The following THADA variants were observed in gnomAD, a reference collection of about 807,000 sequenced individuals.
The protein encoded by THADA is THADA armadillo repeat containing.
In THADA, 213 loss-of-function variants were observed where a neutral mutation model predicts 219.8. The observed-to-expected ratio is 0.97, with a 90% CI of 0.87 to 1.09. The LOEUF (loss-of-function observed/expected upper bound fraction) is 1.09, where lower values mean the gene tolerates loss of function less well. THADA is among the 50% of genes least tolerant of loss of function. The pLI, the probability that THADA is intolerant of heterozygous loss-of-function variation, is 0.00. For missense variants in THADA, 2,956 were observed against 2,311.3 expected, an observed-to-expected ratio of 1.28 and a Z score of -5.72; for synonymous variants, 1,018 against 828.9, an observed-to-expected ratio of 1.23 and a Z score of -3.92.
chr2:43,320,026 T>C (rs1225995512), intron 31 of THADA, among the ~76,000 whole-genome samples: 4 of 152,140 alleles, frequency 2.6e-5, no homozygotes, highest in South Asian at 2.1e-4. Flanking sequence ...CATAAGTGCA[T>C]TGGTGTAGGG....
intron 36 of THADA, among the ~76,000 whole-genome samples, chr2:43,261,010 G>T (rs534616783): frequency 1.4e-5 from 2 of 144,906 alleles, no homozygotes; most frequent in African/African-American, 5.5e-5. Flanking sequence ...ATTTTGTAGA[G>T]TGTTTTTTTT....
At chr2:43,447,474 C>A (rs1681725130) in intron 26 of THADA, among the ~76,000 whole-genome samples, 2 of 152,208 alleles carry the variant, frequency 1.3e-5, no homozygotes, top group African/African-American at 4.8e-5. Context: ...CTACAAAGAT[C>A]CCCTTTCCCT....
chr2:43,365,952 G>T (rs1241646887), intron 29 of THADA, among the ~76,000 whole-genome samples: 2 of 152,122 alleles, frequency 1.3e-5, no homozygotes, highest in Admixed American at 6.5e-5. Context: ...TTTATTTGAG[G>T]CAATAACATA....
Position 43,493,124 on chromosome 2 carries a change from C to A in THADA, c.3744+5709G>T, listed in dbSNP as rs562967521. Among the ~76,000 whole-genome samples, 3 of 152,282 alleles carry A rather than the reference C, an allele frequency of 2.0e-5. No individual in the cohort carries two copies. In the East Asian group the frequency reaches 5.8e-4, roughly 29 times the overall value. On this transcript the variant is annotated intron_variant, in intron 25 of 37. Coordinates refer to ENST00000405975, the MANE Select transcript of THADA (RefSeq NM_022065.5). ...CACTACTGGGCAGATCTAACAGGAT[C>A]TTTTTCCTACCCTCCTTTGAAACCC...
intron 28 of THADA, among the ~76,000 whole-genome samples, chr2:43,427,146 C>G (rs112592563): frequency 3.3e-5 from 5 of 152,290 alleles, no homozygotes; most frequent in African/African-American, 1.2e-4. Flanking sequence ...TGCCACATGG[C>G]ATTACCATTT....
intron 35 of THADA, among the ~76,000 whole-genome samples, chr2:43,284,730 G>A (rs1214525795): frequency 1.3e-5 from 2 of 152,136 alleles, no homozygotes; most frequent in African/African-American, 2.4e-5. Flanking sequence ...TAGGTCCACC[G>A]ACAGCTTGCA....
chr2:43,440,479 G>A (rs1307379582), intron 26 of THADA, among the ~76,000 whole-genome samples: 1 of 152,060 alleles, frequency 6.6e-6, no homozygotes, highest in Non-Finnish European at 1.5e-5. Flanking sequence ...TTCCACTACA[G>A]GCCATTGTTA....
chr2:43,363,654 T>A (rs1188542548), intron 29 of THADA, among the ~76,000 whole-genome samples: 1 of 152,202 alleles, frequency 6.6e-6, no homozygotes. Flanking sequence ...GAGTTCAGCT[T>A]AGCATTATGA....
chr2:43,412,728 T>C (rs944948897), intron 28 of THADA, among the ~76,000 whole-genome samples: 5 of 152,224 alleles, frequency 3.3e-5, no homozygotes, highest in Non-Finnish European at 7.3e-5. Flanking sequence ...TAACTAACCA[T>C]GCTATTCTTG....
rs149162500 is a variant in THADA at position 43,584,173 on chromosome 2, G to A, written c.533+2228C>T. 6.9e-3 allele frequency among the ~76,000 whole-genome samples: 1,051 copies of A among 152,102 alleles called. 14 individuals carry two copies. Among genetic ancestry groups the A allele is most frequent in the African/African-American group, 0.024 (1,011 of 41,484 alleles). ...AGGAAGTAGAATAGAGGTTACCTGG[G>A]GCTACAGGAAAAGACTTTTTTAAAA... is the stretch of plus-strand genomic sequence containing the variant. On this transcript the variant is annotated intron_variant, in intron 7 of 37. Coordinates refer to ENST00000405975, the MANE Select transcript of THADA (RefSeq NM_022065.5).
intron 26 of THADA, among the ~76,000 whole-genome samples, chr2:43,444,731 G>C (rs534593944): frequency 7.1e-6 from 1 of 141,076 alleles, no homozygotes; most frequent in Non-Finnish European, 1.6e-5. Flanking sequence ...AAAAAAAGGT[G>C]GGGGGGGAGG....
chr2:43,388,188 T>G (rs1173742280), intron 29 of THADA, among the ~76,000 whole-genome samples: 1 of 152,230 alleles, frequency 6.6e-6, no homozygotes, highest in African/African-American at 2.4e-5. Context: ...AATACTATTT[T>G]TATTGGTTGG....
At chr2:43,291,624 T>C in intron 34 of THADA, 72 bp downstream of exon 34, 1 of 1,241,230 alleles carries the variant, frequency 8.1e-7, no homozygotes, top group Non-Finnish European at 1.1e-6. Flanking sequence ...ACTGTTCACT[T>C]TTACTGACAT....
chr2:43,232,983 C>T (rs549261570), intron 36 of THADA, 101 bp from the exon 37 acceptor site: 15 of 1,294,964 alleles, frequency 1.2e-5, no homozygotes, highest in Non-Finnish European at 1.2e-5. Context: ...CAGGTAAAAT[C>T]GCTGCCACCA....
At chr2:43,396,730 G>T (rs1674085428) in intron 29 of THADA, among the ~76,000 whole-genome samples, 1 of 152,042 alleles carries the variant, frequency 6.6e-6, no homozygotes, top group Non-Finnish European at 1.5e-5. Flanking sequence ...AGAATGGCTT[G>T]AACGCAGGAG....
intron 26 of THADA, among the ~76,000 whole-genome samples, chr2:43,438,296 T>G (rs763689989): frequency 1.1e-5 from 1 of 91,144 alleles, no homozygotes; most frequent in Admixed American, 1.5e-4. Context: ...AGCGACTCCA[T>G]CTCAAAAAAA....
At chr2:43,261,043 C>G (rs1249342598) in intron 36 of THADA, among the ~76,000 whole-genome samples, 1 of 151,744 alleles carries the variant, frequency 6.6e-6, no homozygotes, top group Non-Finnish European at 1.5e-5. Context: ...TGTTATTTTA[C>G]CCGATATGTA....
chr2:43,322,713 T>C lies in THADA; in HGVS notation c.4344-2173A>G, dbSNP rs531448467. Among the ~76,000 whole-genome samples, 745 of 107,338 alleles carry C rather than the reference T, an allele frequency of 6.9e-3. 2 individuals carry two copies. Among genetic ancestry groups the C allele is most frequent in the Middle Eastern group, 0.025 (3 of 118 alleles). 70.4% of individuals were successfully genotyped at this position (107,338 alleles called of 152,430 possible). On this transcript the variant is annotated intron_variant, in intron 30 of 37. Coordinates refer to ENST00000405975, the MANE Select transcript of THADA (RefSeq NM_022065.5). The stretch of plus-strand genomic sequence containing the variant: ...TTTTTTTTTTTTTTTTGAGACGGAG[T>C]CTCTCTCTGTCACCCAGGCTGGAGT...
At chr2:43,233,850 C>A (rs1029921631) in intron 36 of THADA, among the ~76,000 whole-genome samples, 2 of 152,152 alleles carry the variant, frequency 1.3e-5, no homozygotes, top group African/African-American at 4.8e-5. Context: ...CACAATGGAC[C>A]TCTGTAGGCC....
Sources: allele counts gnomAD v4.1 joint callset (sites outside exome capture counted in the v4.1 genomes callset), GRCh38; gene constraint gnomAD v4.1.1; transcripts MANE v1.5; gene names NCBI Gene and HGNC (gene_info 2026-07-23, HGNC 2026-07-21).